Variants in ATP13A4 observed in about 807,000 individuals in gnomAD.
ATP13A4 encodes the protein probable cation-transporting ATPase 13A4.
ATP13A4 carries 114 observed loss-of-function variants against 142.5 expected under a neutral mutation model. The ratio of observed to expected loss-of-function variants is 0.80; its 90% CI spans 0.69 to 0.93. The LOEUF is 0.93. Ranked by LOEUF, ATP13A4 falls within the 40% of genes least tolerant of loss-of-function variation. The pLI is 0.00. For missense variants in ATP13A4, 1,392 were observed against 1,454.0 expected, an observed-to-expected ratio of 0.96 and a Z score of 0.69; for synonymous variants, 488 against 514.8, an observed-to-expected ratio of 0.95 and a Z score of 0.70.
chr3:193,457,290 G>C lies in ATP13A4; in HGVS notation c.1761+89C>G. ...CCCATTTTCACACCTGAAATTCAAA[G>C]ACACATCTGTGACCTTTCAAAAACT... On this transcript the variant is annotated intron_variant, in intron 15 of 29. Coordinates refer to ENST00000342695, the MANE Select transcript of ATP13A4 (RefSeq NM_032279.4). 4 of 1,573,712 alleles carry C rather than the reference G, an allele frequency of 2.5e-6. No homozygotes were observed. The South Asian group carries it at 4.4e-5, about 17-fold the overall frequency.
chr3:193,438,983 G>C, intron 22 of ATP13A4, 40 bp downstream of exon 22: 1 of 1,564,914 alleles, frequency 6.4e-7, no homozygotes, highest in Non-Finnish European at 8.8e-7. Context: ...AAGTGTAATC[G>C]AATGTGAGAT....
At chr3:193,568,111 C>T (rs905041763) in intron 2 of ATP13A4, among the ~76,000 whole-genome samples, 2 of 152,064 alleles carry the variant, frequency 1.3e-5, no homozygotes, top group Non-Finnish European at 2.9e-5. Context: ...AGGCACATGC[C>T]ACCACACCCG....
chr3:193,574,365 C>T (rs1174408510), intron 2 of ATP13A4, among the ~76,000 whole-genome samples: 1 of 152,110 alleles, frequency 6.6e-6, no homozygotes, highest in Non-Finnish European at 1.5e-5. Flanking sequence ...AACACTTTTT[C>T]CTTAAATTTT....
At chr3:193,505,234 G>T (rs1326422567) in intron 2 of ATP13A4, among the ~76,000 whole-genome samples, 1 of 152,094 alleles carries the variant, frequency 6.6e-6, no homozygotes, top group African/African-American at 2.4e-5. Flanking sequence ...CACAATCTCT[G>T]CTCTCCTGAC....
chr3:193,523,888 C>A (rs1721862394), intron 1 of ATP13A4, among the ~76,000 whole-genome samples: 1 of 151,990 alleles, frequency 6.6e-6, no homozygotes, highest in African/African-American at 2.4e-5. Context: ...GGGGTGAGTT[C>A]TCTCTCTCAT....
At position 193,414,523 on chromosome 3, in the gene ATP13A4, A is replaced by T. The variant is rs779118666; in HGVS notation, c.3014+56T>A. On this transcript the variant is annotated intron_variant, in intron 26 of 29. Coordinates refer to ENST00000342695, the MANE Select transcript of ATP13A4 (RefSeq NM_032279.4). ...ATGTGCCTCCCATCATATTGGCCAG[A>T]GGATGTTTGATAGAAATTAGAATGT... The T allele has an allele frequency of 2.6e-4, 420 of 1,596,506 alleles. 2 individuals are homozygous for T. The highest frequency in any genetic ancestry group is 3.4e-4 in the Non-Finnish European group (400 of 1,165,760).
chr3:193,556,982 A>G (rs1355263496), upstream of ATP13A4, among the ~76,000 whole-genome samples: 1 of 152,182 alleles, frequency 6.6e-6, no homozygotes, highest in Non-Finnish European at 1.5e-5. Context: ...GAAGTAATTC[A>G]TTCTCCTGTT....
chr3:193,455,747 T>C (rs1368573707), intron 16 of ATP13A4, among the ~76,000 whole-genome samples: 2 of 152,226 alleles, frequency 1.3e-5, no homozygotes, highest in Non-Finnish European at 1.5e-5. Context: ...ATATGTTTAT[T>C]GCAGCACTAT....
chr3:193,591,196 G>A (rs1724759271), intron 1 of ATP13A4, among the ~76,000 whole-genome samples: 1 of 152,112 alleles, frequency 6.6e-6, no homozygotes, highest in African/African-American at 2.4e-5. Flanking sequence ...CCGAGTAGCT[G>A]GCTAATTTTT....
chr3:193,454,215 G>C lies in ATP13A4; in HGVS notation c.1916-3C>G. On this transcript the variant is annotated splice_region_variant and splice_polypyrimidine_tract_variant and intron_variant, in intron 16 of 29. Transcript: ENST00000342695. ...TTCGCTAACAAAACTAGTGGGTACTGTTTAGAAAGAAACACAGGGTTAGTA... is the reference window on the plus strand; with the variant it reads ...TTCGCTAACAAAACTAGTGGGTACTCTTTAGAAAGAAACACAGGGTTAGTA... 6.2e-7 allele frequency: 1 copy of C among 1,602,114 alleles called. No homozygotes were observed. The highest frequency in any genetic ancestry group is 8.6e-7 in the Non-Finnish European group (1 of 1,169,178).
intron 14 of ATP13A4, 128 bp downstream of exon 14, chr3:193,458,953 C>T: frequency 7.7e-7 from 1 of 1,298,416 alleles, no homozygotes. Flanking sequence ...GATTGGTTTG[C>T]CCTTCACTAC....
At chr3:193,410,196 A>T (rs1362508668) in intron 28 of ATP13A4, among the ~76,000 whole-genome samples, 4 of 152,170 alleles carry the variant, frequency 2.6e-5, no homozygotes, top group Non-Finnish European at 1.5e-5. Context: ...TTTATGAGGA[A>T]AAATATGGCT....
Position 193,483,910 on chromosome 3 carries a change from T to C in ATP13A4, c.808+26A>G, listed in dbSNP as rs760182560. ...CTTTTCTGATTCCATGTGAATAGCATATAGATCTAAAATAATGGAACTTAC... is the reference window on the plus strand; with the variant it reads ...CTTTTCTGATTCCATGTGAATAGCACATAGATCTAAAATAATGGAACTTAC... On this transcript the variant is annotated intron_variant, in intron 8 of 29. Transcript: ENST00000342695. 6 of 1,502,750 alleles carry C rather than the reference T, an allele frequency of 4.0e-6. No individual in the cohort carries two copies. In the South Asian group the frequency reaches 5.6e-5, roughly 14 times the overall value. The allele number at this position is 1,502,750 out of a possible 1,614,324, so 93.1% of individuals were successfully genotyped here. A position where few individuals can be genotyped will look rare whatever the true frequency, so the allele number is the denominator to read the frequency against.
At chr3:193,444,668 G>A (rs1363442652) in intron 18 of ATP13A4, among the ~76,000 whole-genome samples, 1 of 152,222 alleles carries the variant, frequency 6.6e-6, no homozygotes, top group African/African-American at 2.4e-5. Flanking sequence ...ATAAAGAAGA[G>A]AAAGCAAGAG....
At chr3:193,493,672 T>G (rs1455794001) in intron 3 of ATP13A4, among the ~76,000 whole-genome samples, 1 of 151,998 alleles carries the variant, frequency 6.6e-6, no homozygotes, top group African/African-American at 2.4e-5. Context: ...CACAAGTTAG[T>G]TTGGGGGAAG....
chr3:193,578,022 C>CG (rs1394110003), intron 2 of ATP13A4, among the ~76,000 whole-genome samples: 1 of 152,114 alleles, frequency 6.6e-6, no homozygotes, highest in Non-Finnish European at 1.5e-5. Flanking sequence ...GGGCTAGGTG[C>CG]GGTGGCTCAC....
At chr3:193,444,075 T>C (rs1252306617) in intron 18 of ATP13A4, among the ~76,000 whole-genome samples, 1 of 152,080 alleles carries the variant, frequency 6.6e-6, no homozygotes, top group African/African-American at 2.4e-5. Flanking sequence ...GATTTACAGA[T>C]TCAAGAAGCT....
At chr3:193,483,754 G>T (rs575785198) in intron 8 of ATP13A4, among the ~76,000 whole-genome samples, 182 bp downstream of exon 8, 1 of 152,008 alleles carries the variant, frequency 6.6e-6, no homozygotes, top group African/African-American at 2.4e-5. Context: ...GTGAGCCACC[G>T]CACCCGGTCT....
chr3:193,502,649 T>C lies in ATP13A4; in HGVS notation c.235-10A>G, dbSNP rs751932880. 5 of 1,613,454 alleles carry C rather than the reference T, an allele frequency of 3.1e-6. No individual in the cohort carries two copies. The highest frequency in any genetic ancestry group is 4.2e-6 in the Non-Finnish European group (5 of 1,179,436). On this transcript the variant is annotated splice_polypyrimidine_tract_variant and intron_variant, in intron 2 of 29. Transcript: ENST00000342695. ...AAATTTGGAATTCATCCTGAGGAGA[T>C]AGACATCAAAACCCCCAAGAAGTTA...
Sources: allele counts gnomAD v4.1 joint callset (sites outside exome capture counted in the v4.1 genomes callset), GRCh38; gene constraint gnomAD v4.1.1; transcripts MANE v1.5; gene names NCBI Gene and HGNC (gene_info 2026-07-23, HGNC 2026-07-21).